Variants in ZFYVE9 observed in about 807,000 individuals in gnomAD.
ZFYVE9 encodes the protein zinc finger FYVE domain-containing protein 9.
ZFYVE9 carries 43 observed loss-of-function variants against 126.7 expected under a neutral mutation model. That is an observed-to-expected ratio of 0.34 (90% CI 0.27 to 0.44). The LOEUF is 0.44. ZFYVE9 is among the 20% of genes least tolerant of loss of function. The pLI is 1.00. For synonymous variants in ZFYVE9, 521 were observed against 597.4 expected (o/e 0.87, Z 1.87); for missense variants, 1,476 against 1,697.0 (o/e 0.87, Z 2.29).
chr1:52,180,663 A>G, intron 1 of ZFYVE9: 1 of 421,472 alleles, frequency 2.4e-6, no homozygotes, highest in Non-Finnish European at 4.4e-6. Flanking sequence ...TTATGTTTCA[A>G]ATCTTTACAT....
intron 16 of ZFYVE9, among the ~76,000 whole-genome samples, chr1:52,339,922 T>C (rs1354910168): frequency 1.3e-5 from 2 of 152,206 alleles, no homozygotes; most frequent in Non-Finnish European, 2.9e-5. Context: ...TTTGAACTAT[T>C]TCAGTGCATA....
At chr1:52,176,910 C>T (rs1330452548) in intron 1 of ZFYVE9, among the ~76,000 whole-genome samples, 6 of 152,128 alleles carry the variant, frequency 3.9e-5, no homozygotes, top group Admixed American at 6.5e-5. Flanking sequence ...CTTTCCTTGA[C>T]CAGGAAAGGG....
chr1:52,302,285 C>G (rs1646043004), intron 12 of ZFYVE9, among the ~76,000 whole-genome samples: 2 of 152,122 alleles, frequency 1.3e-5, no homozygotes, highest in Non-Finnish European at 2.9e-5. Context: ...GTAATGAAGT[C>G]AAGTTACTTA....
intron 1 of ZFYVE9, among the ~76,000 whole-genome samples, chr1:52,174,927 C>T (rs551892875): frequency 3.2e-4 from 49 of 152,282 alleles, no homozygotes; most frequent in Non-Finnish European, 5.0e-4. Flanking sequence ...GTCCTGAATA[C>T]AGCACACTGA....
intron 1 of ZFYVE9, among the ~76,000 whole-genome samples, chr1:52,146,489 T>C (rs1342516258): frequency 6.6e-6 from 1 of 152,192 alleles, no homozygotes; most frequent in Non-Finnish European, 1.5e-5. Context: ...TCTTTTCTTA[T>C]AACCTTGGAC....
intron 4 of ZFYVE9, chr1:52,254,063 GA>G: frequency 2.6e-6 from 2 of 768,216 alleles, no homozygotes; most frequent in Non-Finnish European, 4.5e-6. Context: ...CATCAAAATG[GA>G]AAAGACACCC....
At chr1:52,274,688 T>C (rs1645728532) in intron 8 of ZFYVE9, 104 bp downstream of exon 8, 1 of 1,293,112 alleles carries the variant, frequency 7.7e-7, no homozygotes, top group Non-Finnish European at 1.0e-6. Flanking sequence ...CTTTCTCTTA[T>C]CCAACAAAAC....
intron 2 of ZFYVE9, among the ~76,000 whole-genome samples, chr1:52,216,976 T>C (rs1003629470): frequency 6.6e-6 from 1 of 152,274 alleles, no homozygotes; most frequent in Non-Finnish European, 1.5e-5. Context: ...ATGTTGTTTT[T>C]TTTCAAGTCT....
At chr1:52,242,220 C>T (rs796220233) in intron 4 of ZFYVE9, among the ~76,000 whole-genome samples, 8 of 151,750 alleles carry the variant, frequency 5.3e-5, no homozygotes, top group Non-Finnish European at 8.8e-5. Flanking sequence ...TTAGTAGAGG[C>T]GGGGTTTCAC....
Position 52,142,554 on chromosome 1 carries a change from C to G in ZFYVE9, c.-143+151C>G, listed in dbSNP as rs866932190. ...TCCTGGGGCCTCAGCCCTTTCTCCC[C>G]GCGTCCCCCGGGAGGCTGAAGGCCG... On this transcript the variant is annotated intron_variant, in intron 1 of 18. Coordinates refer to ENST00000287727, the MANE Select transcript of ZFYVE9 (RefSeq NM_004799.4). The surrounding 1 kb of genome is among the most constrained non-coding windows in gnomAD (Gnocchi z 4.5). 6.6e-6 allele frequency among the ~76,000 whole-genome samples: 1 copy of G among 152,118 alleles called. No homozygotes were observed. The highest frequency in any genetic ancestry group is 2.4e-5 in the African/African-American group (1 of 41,452).
rs1217902415 is a variant in ZFYVE9 at position 52,169,400 on chromosome 1, A to C, written c.-143+26997A>C. Among the ~76,000 whole-genome samples the C allele has an allele frequency of 3.3e-5, 5 of 152,132 alleles. No homozygotes were observed. In the East Asian group the frequency reaches 9.6e-4, roughly 29 times the overall value. ...GGGTGACAGAGTGAGACACTGTCTG[A>C]ATAAAATAAAATAAATTTATAACCC... is the stretch of plus-strand genomic sequence containing the variant. On this transcript the variant is annotated intron_variant, in intron 1 of 18. Coordinates refer to ENST00000287727, the MANE Select transcript of ZFYVE9 (RefSeq NM_004799.4).
intron 1 of ZFYVE9, among the ~76,000 whole-genome samples, chr1:52,182,934 T>G (rs1170145417): frequency 6.6e-6 from 1 of 152,130 alleles, no homozygotes; most frequent in Non-Finnish European, 1.5e-5. Context: ...AAAGAATATT[T>G]AGTTTTAAAT....
intron 1 of ZFYVE9, among the ~76,000 whole-genome samples, chr1:52,177,960 GCA>G (rs1644655221): frequency 7.3e-6 from 1 of 137,200 alleles, no homozygotes. Flanking sequence ...TTTTTTTTTA[GCA>G]GGGCATGGGG....
chr1:52,164,354 C>T (rs1644492515), intron 1 of ZFYVE9, among the ~76,000 whole-genome samples: 2 of 152,004 alleles, frequency 1.3e-5, no homozygotes, highest in African/African-American at 2.4e-5. Flanking sequence ...GTTGGGATTA[C>T]AGGCATGCAC....
intron 1 of ZFYVE9, among the ~76,000 whole-genome samples, chr1:52,153,674 A>G (rs1246646089): frequency 6.6e-6 from 1 of 152,132 alleles, no homozygotes; most frequent in Non-Finnish European, 1.5e-5. Flanking sequence ...TAGTCCTTGG[A>G]CACAAGGAAT....
intron 8 of ZFYVE9, 145 bp from the exon 9 acceptor site, chr1:52,278,347 C>T: frequency 1.0e-6 from 1 of 995,162 alleles, no homozygotes; most frequent in Non-Finnish European, 1.5e-6. Context: ...ACTGAGCCAG[C>T]AGATACAAAC....
At chr1:52,266,623 A>G in intron 5 of ZFYVE9, 32 bp from the exon 6 acceptor site, 3 of 1,535,376 alleles carry the variant, frequency 2.0e-6, no homozygotes, top group South Asian at 2.5e-5. Flanking sequence ...TTTGCAATCC[A>G]TTCACATTGA....
At chr1:52,342,304 C>T (rs1646444655) in intron 17 of ZFYVE9, among the ~76,000 whole-genome samples, 2 of 131,120 alleles carry the variant, frequency 1.5e-5, no homozygotes, top group Admixed American at 1.8e-4. Context: ...CTCGCTCTGT[C>T]GCCCAGACGG....
chr1:52,318,304 A>G (rs981839948), intron 13 of ZFYVE9, among the ~76,000 whole-genome samples: 5 of 152,138 alleles, frequency 3.3e-5, no homozygotes, highest in Admixed American at 2.0e-4. Flanking sequence ...AAGGAAAACC[A>G]TATGATACAG....
Sources: allele counts gnomAD v4.1 joint callset (sites outside exome capture counted in the v4.1 genomes callset), GRCh38; gene constraint gnomAD v4.1.1; non-coding constraint Gnocchi (gnomAD v3.1); transcripts MANE v1.5; gene names NCBI Gene and HGNC (gene_info 2026-07-23, HGNC 2026-07-21).